Variants in ANKRD29 observed in about 807,000 individuals in gnomAD.
ANKRD29 encodes ankyrin repeat domain 29.
ANKRD29 carries 32 observed loss-of-function variants against 38.0 expected under a neutral mutation model. That is an observed-to-expected ratio of 0.84 (90% CI 0.64 to 1.13). The LOEUF is 1.13. Ranked by LOEUF, ANKRD29 falls within the 50% of genes most tolerant of loss-of-function variation. The probability of loss-of-function intolerance (pLI) is 0.00; values close to 1 mark genes in which losing one functional copy is unlikely to be tolerated. For synonymous variants in ANKRD29, 135 were observed against 152.4 expected (o/e 0.89, Z 0.84); for missense variants, 357 against 377.9 (o/e 0.94, Z 0.46).
intron 1 of ANKRD29, among the ~76,000 whole-genome samples, chr18:23,658,662 C>G (rs542857341): frequency 6.6e-6 from 1 of 152,122 alleles, no homozygotes; most frequent in Non-Finnish European, 1.5e-5. Context: ...TGCATCCCCC[C>G]AAAAATTCAT....
chr18:23,661,575 G>A (rs1217417762), intron 1 of ANKRD29, among the ~76,000 whole-genome samples: 2 of 152,188 alleles, frequency 1.3e-5, no homozygotes, highest in African/African-American at 4.8e-5. Flanking sequence ...GGGCATGGTG[G>A]CGCACGCCTG....
At chr18:23,654,618 CAAAAAAAAA>C (rs1167970950) in intron 1 of ANKRD29, among the ~76,000 whole-genome samples, 4 of 50,382 alleles carry the variant, frequency 7.9e-5, no homozygotes, top group African/African-American at 1.9e-4. Flanking sequence ...GACTCTGTCT[CAAAAAAAAA>C]AAAAAAAAAA....
intron 1 of ANKRD29, among the ~76,000 whole-genome samples, chr18:23,654,389 G>A (rs1443403740): frequency 6.6e-6 from 1 of 151,874 alleles, no homozygotes; most frequent in South Asian, 2.1e-4. Context: ...GGAGGCTGAG[G>A]TAGGCAGATC....
intron 6 of ANKRD29, among the ~76,000 whole-genome samples, chr18:23,629,141 C>T (rs1293558126): frequency 1.3e-5 from 2 of 152,184 alleles, no homozygotes; most frequent in Non-Finnish European, 2.9e-5. Context: ...TGCGCCACCG[C>T]GCCTGGCTAA....
chr18:23,622,370 C>T (rs2059807242), intron 6 of ANKRD29, among the ~76,000 whole-genome samples: 1 of 152,086 alleles, frequency 6.6e-6, no homozygotes, highest in South Asian at 2.1e-4. Context: ...ATGCGCTTCT[C>T]CCTCCGTGCC....
chr18:23,657,646 C>T (rs1296748033), intron 1 of ANKRD29, among the ~76,000 whole-genome samples: 1 of 152,144 alleles, frequency 6.6e-6, no homozygotes, highest in Admixed American at 6.5e-5. Context: ...TATGGATTTG[C>T]CGATTTTGGA....
At chr18:23,601,448 G>A in intron 9 of ANKRD29, 139 bp from the exon 10 acceptor site, 1 of 628,396 alleles carries the variant, frequency 1.6e-6, no homozygotes, top group Non-Finnish European at 2.9e-6. Context: ...TTATATAAAG[G>A]TATTACAAAT....
intron 6 of ANKRD29, among the ~76,000 whole-genome samples, chr18:23,626,450 T>C (rs1465781583): frequency 6.6e-6 from 1 of 152,020 alleles, no homozygotes; most frequent in Non-Finnish European, 1.5e-5. Flanking sequence ...AATAGAAAAA[T>C]AGAAATAGCC....
In ANKRD29 at chr18:23,649,240, C is replaced by G. The variant is rs144671429; in HGVS notation, c.22-47G>C. The G allele has an allele frequency of 3.6e-6, 5 of 1,370,976 alleles. No individual in the cohort carries two copies. The African/African-American group carries it at 7.2e-5, about 20-fold the overall frequency. 84.9% of individuals were successfully genotyped at this position (1,370,976 alleles called of 1,614,324 possible). A position where few individuals can be genotyped will look rare whatever the true frequency, so the allele number is the denominator to read the frequency against. On this transcript the variant is annotated intron_variant, in intron 1 of 9. Coordinates refer to ENST00000592179, the MANE Select transcript of ANKRD29 (RefSeq NM_173505.4). ...GGATCTTAAAATTGATGTCAGTTAA[C>G]ATGACTGCTGCTATGCACATAGATA...
intron 9 of ANKRD29, among the ~76,000 whole-genome samples, chr18:23,601,582 G>A (rs867829340): frequency 1.3e-5 from 2 of 152,130 alleles, no homozygotes; most frequent in Non-Finnish European, 2.9e-5. Flanking sequence ...ATTAATCATT[G>A]TATCCTTATC....
intron 9 of ANKRD29, among the ~76,000 whole-genome samples, chr18:23,610,664 T>C (rs1401202148): frequency 1.3e-5 from 2 of 151,778 alleles, no homozygotes; most frequent in Non-Finnish European, 2.9e-5. Flanking sequence ...AAATAAATAA[T>C]AAATAAGTAA....
chr18:23,607,949 T>C (rs1220666367), intron 9 of ANKRD29, among the ~76,000 whole-genome samples: 2 of 152,196 alleles, frequency 1.3e-5, no homozygotes, highest in Non-Finnish European at 2.9e-5. Context: ...TTGGGGCCAC[T>C]GGTTGGCCTT....
chr18:23,661,861 C>T (rs2145748084), intron 1 of ANKRD29, among the ~76,000 whole-genome samples: 1 of 152,298 alleles, frequency 6.6e-6, no homozygotes, highest in African/African-American at 2.4e-5. Context: ...TTGCAACATG[C>T]ACATCTCGCC....
chr18:23,600,582 G>A lies in ANKRD29; in HGVS notation c.*644C>T, dbSNP rs1242286025. 1 of 152,594 alleles carries A rather than the reference G, an allele frequency of 6.6e-6. No individual in the cohort carries two copies. The highest frequency in any genetic ancestry group is 2.4e-5 in the African/African-American group (1 of 41,430). The allele number at this position is 152,594 out of a possible 1,614,324, so 9.5% of individuals were successfully genotyped here. A position where few individuals can be genotyped will look rare whatever the true frequency, so the allele number is the denominator to read the frequency against. On this transcript the variant is annotated 3_prime_UTR_variant, in exon 10 of 10. Transcript: ENST00000592179. ...TGTCAGGAATAAGATGAGGATCAACGAACAAATGCACAGTCTGTCTTTTCT... is the reference window on the plus strand; with the variant it reads ...TGTCAGGAATAAGATGAGGATCAACAAACAAATGCACAGTCTGTCTTTTCT...
intron 3 of ANKRD29, among the ~76,000 whole-genome samples, chr18:23,639,413 G>A (rs561017711): frequency 9.2e-5 from 14 of 152,044 alleles, no homozygotes; most frequent in Non-Finnish European, 2.1e-4. Context: ...CTATTATTTA[G>A]CTAAAAAGAA....
chr18:23,646,358 C>G, intron 2 of ANKRD29, 71 bp from the exon 3 acceptor site: 16 of 1,383,004 alleles, frequency 1.2e-5, no homozygotes, highest in Non-Finnish European at 1.5e-5. Flanking sequence ...AGAGAAGATG[C>G]TGCAGAGATG....
intron 1 of ANKRD29, among the ~76,000 whole-genome samples, chr18:23,656,726 T>C (rs78448490): frequency 2.3e-4 from 35 of 152,334 alleles, no homozygotes; most frequent in African/African-American, 7.9e-4. Context: ...TCAAAAATTT[T>C]ACAATAAAAG....
At chr18:23,649,487 C>T (rs1341369856) in intron 1 of ANKRD29, 1 of 621,868 alleles carries the variant, frequency 1.6e-6, no homozygotes, top group Non-Finnish European at 3.0e-6. Flanking sequence ...TTTGTTCACC[C>T]AGTTTCCTTT....
At chr18:23,655,298 G>T (rs141414586) in intron 1 of ANKRD29, among the ~76,000 whole-genome samples, 1 of 151,734 alleles carries the variant, frequency 6.6e-6, no homozygotes, top group Admixed American at 6.6e-5. Flanking sequence ...GAACTTAGGC[G>T]CAACGATTAA....
Sources: gnomAD v4.1 joint callset for allele counts (sites outside exome capture counted in the v4.1 genomes callset) on GRCh38, gnomAD v4.1.1 for gene constraint, MANE v1.5 for transcripts, NCBI Gene and HGNC (gene_info 2026-07-23, HGNC 2026-07-21) for gene names.